TSPAN4: variants seen among roughly 807,000 people sequenced by gnomAD.
The protein encoded by TSPAN4 is tetraspanin-4.
In TSPAN4, 38 loss-of-function variants were observed where a neutral mutation model predicts 31.5. That is an observed-to-expected ratio of 1.21 (90% CI 0.93 to 1.58). TSPAN4 has a LOEUF of 1.58. Ranked by LOEUF, TSPAN4 falls within the 40% of genes most tolerant of loss-of-function variation. The pLI is 0.00. For missense variants in TSPAN4, 330 were observed against 317.3 expected, an observed-to-expected ratio of 1.04 and a Z score of -0.30; for synonymous variants, 186 against 144.6, an observed-to-expected ratio of 1.29 and a Z score of -2.06.
chr11:846,256 G>A (rs1847317747), intron 1 of TSPAN4, among the ~76,000 whole-genome samples: 1 of 152,120 alleles, frequency 6.6e-6, no homozygotes. Flanking sequence ...CACCCAGGCT[G>A]CTGCAGACAG....
At chr11:865,419 A>G (rs2134069831) in intron 5 of TSPAN4, 94 bp from the exon 6 acceptor site, 2 of 980,270 alleles carry the variant, frequency 2.0e-6, no homozygotes, top group Admixed American at 2.1e-5. Context: ...GACCAGGCGC[A>G]GGAGGGGCCC....
intron 2 of TSPAN4, chr11:850,040 C>T (rs1454831407): frequency 7.5e-6 from 2 of 266,228 alleles, no homozygotes; most frequent in Non-Finnish European, 1.4e-5. Flanking sequence ...TGCGCCGCTC[C>T]AGCACGGACG....
chr11:860,480 G>A (rs1565142956), intron 3 of TSPAN4, among the ~76,000 whole-genome samples: 1 of 152,218 alleles, frequency 6.6e-6, no homozygotes, highest in Non-Finnish European at 1.5e-5. Context: ...CACACGAGGA[G>A]GGGGCATCTC....
At chr11:850,261 T>C in intron 2 of TSPAN4, 27 bp from the exon 3 acceptor site, 1 of 1,580,360 alleles carries the variant, frequency 6.3e-7, no homozygotes, top group Non-Finnish European at 8.6e-7. Flanking sequence ...GTTTTCTACC[T>C]GGACCTCTCC....
At chr11:858,962 G>A (rs1198166925) in intron 3 of TSPAN4, among the ~76,000 whole-genome samples, 8 of 45,254 alleles carry the variant, frequency 1.8e-4, no homozygotes, top group Non-Finnish European at 2.9e-4. Context: ...TTGCACCCCC[G>A]GCACACATGC....
intron 3 of TSPAN4, among the ~76,000 whole-genome samples, chr11:861,882 C>A (rs891825576): frequency 1.3e-4 from 20 of 152,258 alleles, no homozygotes; most frequent in African/African-American, 3.6e-4. Flanking sequence ...CAGATGGTGC[C>A]ACTGCACTCC....
At chr11:861,258 G>C (rs978867800) in intron 3 of TSPAN4, among the ~76,000 whole-genome samples, 4 of 152,242 alleles carry the variant, frequency 2.6e-5, no homozygotes, top group Non-Finnish European at 5.9e-5. Flanking sequence ...TGGCCCTCCG[G>C]GTGGCAGGTG....
At chr11:842,974 G>C (rs888240316) in intron 1 of TSPAN4, 59 bp downstream of exon 1, 2 of 152,566 alleles carry the variant, frequency 1.3e-5, no homozygotes, top group Non-Finnish European at 2.9e-5. Context: ...GGAGGTGTCC[G>C]ACCGGGAGCG....
intron 1 of TSPAN4, chr11:843,337 C>T (rs1319274779): frequency 6.6e-6 from 1 of 152,104 alleles, no homozygotes. Flanking sequence ...CGGGGTGCGC[C>T]CTCCCGGGTC....
intron 2 of TSPAN4, among the ~76,000 whole-genome samples, chr11:847,905 G>A (rs1275945596): frequency 6.6e-6 from 1 of 152,202 alleles, no homozygotes; most frequent in African/African-American, 2.4e-5. Context: ...TGGGGCAGGG[G>A]TGCCACTGGC....
intron 3 of TSPAN4, 190 bp from the exon 4 acceptor site, chr11:862,360 G>A: frequency 1.8e-6 from 1 of 569,440 alleles, no homozygotes; most frequent in Non-Finnish European, 3.1e-6. Flanking sequence ...CCAGCCCAGG[G>A]TGTCGGGAAA....
chr11:862,687 C>T lies in TSPAN4; in HGVS notation c.201C>T (p.Ile67=), dbSNP rs770655587. ...TCACCGGCGCCTTTGTCATGGCCATCGGCTTCGTGGGCTGCCTGGGTGCCA... is the reference window on the plus strand; with the variant it reads ...TCACCGGCGCCTTTGTCATGGCCATTGGCTTCGTGGGCTGCCTGGGTGCCA... ...LIITGAFVMA[I]GFVGCLGAIK... The change falls in exon 4 of 9, where the codon ATC becomes ATT. Residue 67 remains isoleucine (I), a synonymous_variant. Coordinates refer to ENST00000397397, the MANE Select transcript of TSPAN4 (RefSeq NM_003271.5). 9.9e-6 allele frequency: 16 copies of T among 1,613,008 alleles called. No individual in the cohort carries two copies. Among genetic ancestry groups the T allele is most frequent in the South Asian group, 3.3e-5 (3 of 91,076 alleles).
chr11:856,157 G>A (rs188225413), intron 3 of TSPAN4, among the ~76,000 whole-genome samples: 73 of 151,540 alleles, frequency 4.8e-4, no homozygotes, highest in African/African-American at 1.6e-3. Flanking sequence ...ACCTGCACAC[G>A]CCCAGCGCTG....
chr11:859,532 C>A (rs367703233), intron 3 of TSPAN4: 1 of 143,282 alleles, frequency 7.0e-6, no homozygotes, highest in Non-Finnish European at 1.5e-5. Flanking sequence ...ACACGCACCC[C>A]GGGCCCACAT....
rs1848733402 is a variant in TSPAN4, at chr11:865,616, T to C, written c.432+2T>C. 6.2e-7 allele frequency: 1 copy of C among 1,612,724 alleles called. No homozygotes were observed. Among genetic ancestry groups the C allele is most frequent in the Non-Finnish European group, 8.5e-7 (1 of 1,179,866 alleles). On this transcript the variant is annotated splice_donor_variant, in intron 6 of 8. Coordinates refer to ENST00000397397, the MANE Select transcript of TSPAN4 (RefSeq NM_003271.5). LOFTEE classifies it high-confidence loss of function. ...GCCTGGAGCATCATCCAGACCGACG[T>C]GAGGCGTGGGCAGGTGGGCGGGGTC...
chr11:854,807 C>T (rs1225138571), intron 3 of TSPAN4, among the ~76,000 whole-genome samples: 4 of 152,230 alleles, frequency 2.6e-5, no homozygotes, highest in Admixed American at 2.0e-4. Context: ...ATGGCATGGC[C>T]GGCCTGCCTG....
chr11:852,809 C>G (rs1847828508), intron 3 of TSPAN4, among the ~76,000 whole-genome samples: 1 of 152,134 alleles, frequency 6.6e-6, no homozygotes, highest in Non-Finnish European at 1.5e-5. Flanking sequence ...TCCTCCTCCT[C>G]CGTCTTCTCA....
intron 5 of TSPAN4, chr11:864,826 T>G (rs1380809519): frequency 5.9e-6 from 3 of 505,614 alleles, no homozygotes; most frequent in Non-Finnish European, 1.1e-5. Context: ...CCGCGCACCG[T>G]GGGGTTCTCC....
chr11:851,902 T>G (rs1279822813), intron 3 of TSPAN4, among the ~76,000 whole-genome samples: 1 of 152,074 alleles, frequency 6.6e-6, no homozygotes, highest in African/African-American at 2.4e-5. Flanking sequence ...GACACCTGCC[T>G]TCAGGGAGAA....
Sources: gnomAD v4.1 joint callset for allele counts (sites outside exome capture counted in the v4.1 genomes callset) on GRCh38, gnomAD v4.1.1 for gene constraint, MANE v1.5 for transcripts, NCBI Gene and HGNC (gene_info 2026-07-23, HGNC 2026-07-21) for gene names.